AIRE: variants seen among roughly 807,000 people sequenced by gnomAD.
AIRE encodes autoimmune polyendocrinopathy candidiasis ectodermal dystrophy protein.
Under a neutral mutation model 62.1 loss-of-function variants are expected in AIRE, and 52 were observed. The observed-to-expected ratio is 0.84, with a 90% CI of 0.67 to 1.06. The LOEUF is 1.06. Among genes scored for constraint, AIRE ranks in the 50% least tolerant of loss-of-function variants. AIRE has a pLI of 0.00. For missense variants in AIRE, 774 were observed against 755.8 expected, an observed-to-expected ratio of 1.02 and a Z score of -0.28; for synonymous variants, 342 against 321.6, an observed-to-expected ratio of 1.06 and a Z score of -0.68.
chr21:44,289,353 T>C (rs989432324), intron 5 of AIRE: 6 of 435,042 alleles, frequency 1.4e-5, no homozygotes, highest in African/African-American at 9.9e-5. Flanking sequence ...ACACCAGTCA[T>C]TGAACTTATG....
chr21:44,290,954 G>C, intron 7 of AIRE, 141 bp from the exon 8 acceptor site: 1 of 1,612,570 alleles, frequency 6.2e-7, no homozygotes, highest in Non-Finnish European at 8.5e-7. Flanking sequence ...TTCAGGCCCT[G>C]GCAGCATGGG....
In AIRE at chr21:44,286,014, C is replaced by T. The variant is rs1313064637; in HGVS notation, c.8C>T (p.Thr3Met). The T allele has an allele frequency of 2.6e-6, 4 of 1,531,586 alleles. No homozygotes were observed. Among genetic ancestry groups the T allele is most frequent in the Non-Finnish European group, 3.5e-6 (4 of 1,144,132 alleles). The allele number at this position is 1,531,586 out of a possible 1,614,324, so 94.9% of individuals were successfully genotyped here. The part of the protein sequence containing the change: MA[T>M]DAALRRLLRL... Reference sequence around the variant, plus strand: ...GGTCCCCGCGCCCACCCCATGGCGACGGACGCGGCGCTACGCCGGCTTCTG... The same window carrying T: ...GGTCCCCGCGCCCACCCCATGGCGATGGACGCGGCGCTACGCCGGCTTCTG... Residue 3 changes from threonine (T) to methionine (M), a missense_variant, in exon 1 of 14, where the codon ACG (threonine) becomes ATG (methionine). This residue lies in a region of AIRE where 385 missense variants were observed against 396.0 expected (regional missense o/e 0.97). Coordinates refer to ENST00000291582, the MANE Select transcript of AIRE (RefSeq NM_000383.4). The surrounding 1 kb of genome is among the most constrained non-coding windows in gnomAD (Gnocchi z 6.0).
At position 44,286,683 on chromosome 21, in the gene AIRE, CT is replaced by C. The variant is rs1057517428; in HGVS notation, c.260del (p.Leu87ArgfsTer60). Reference sequence around the variant, plus strand: ...GAGGGTGCTGTTCAAGGACTACAACCTGGAGCGCTATGGCCGGCTGCAGCCC... The same window carrying C: ...GAGGGTGCTGTTCAAGGACTACAACCGGAGCGCTATGGCCGGCTGCAGCCC... ...FWRVLFKDYN[L>X]ERYGRLQPIL... On this transcript the variant is annotated frameshift_variant, in exon 2 of 14. Coordinates refer to ENST00000291582, the MANE Select transcript of AIRE (RefSeq NM_000383.4). LOFTEE classifies it high-confidence loss of function. This position sits in a 1 kb window ranked among gnomAD's most constrained non-coding sequence, Gnocchi z 6.0. The C allele has an allele frequency of 6.2e-7, 1 of 1,613,088 alleles. No homozygotes were observed.
In AIRE at chr21:44,297,833, C is replaced by T. The variant is rs537090651; in HGVS notation, c.*106C>T. 1.5e-5 allele frequency: 16 copies of T among 1,055,006 alleles called. No homozygotes were observed. The South Asian group carries it at 2.1e-4, about 14-fold the overall frequency. The allele number at this position is 1,055,006 out of a possible 1,614,324, so 65.4% of individuals were successfully genotyped here. ...GCTGGGATCAAGAAGGGGACAGCGC[C>T]ACCTCTTGTCAGTGCTCGGCTGTAA... is the stretch of plus-strand genomic sequence containing the variant. On this transcript the variant is annotated 3_prime_UTR_variant, in exon 14 of 14. Transcript: ENST00000291582. The surrounding 1 kb of genome is among the most constrained non-coding windows in gnomAD (Gnocchi z 4.8).
At chr21:44,288,797 G>A (rs1182753661) in intron 5 of AIRE, 1 of 280,568 alleles carries the variant, frequency 3.6e-6, no homozygotes, top group African/African-American at 2.1e-5. Context: ...ACCCTCCAGG[G>A]TATCGGCATT....
rs745383661 is a variant in AIRE at position 44,287,964 on chromosome 21, G to A, written c.538+373G>A. Among the ~76,000 whole-genome samples the A allele has an allele frequency of 1.1e-4, 17 of 152,034 alleles. No homozygotes were observed. Among genetic ancestry groups the A allele is most frequent in the Non-Finnish European group, 7.4e-5 (5 of 67,990 alleles). ...CTGTCCCCTTCTCCTTCCTTCCCAG[G>A]GCACTGGACTCCAGAGACCCCCTAT... On this transcript the variant is annotated intron_variant, in intron 4 of 13. Coordinates refer to ENST00000291582, the MANE Select transcript of AIRE (RefSeq NM_000383.4). The surrounding 1 kb of genome is among the most constrained non-coding windows in gnomAD (Gnocchi z 4.3).
chr21:44,286,021 G>T lies in AIRE; in HGVS notation c.15G>T (p.Ala5=). 1.3e-6 allele frequency: 2 copies of T among 1,532,804 alleles called. No individual in the cohort carries two copies. The highest frequency in any genetic ancestry group is 1.7e-6 in the Non-Finnish European group (2 of 1,144,398). 95.0% of individuals were successfully genotyped at this position (1,532,804 alleles called of 1,614,324 possible). Residue 5 remains alanine, a synonymous_variant, in exon 1 of 14, where the codon GCG becomes GCT. Transcript: ENST00000291582. This position sits in a 1 kb window ranked among gnomAD's most constrained non-coding sequence, Gnocchi z 6.0. MATD[A]ALRRLLRLHR... is the part of the protein sequence containing the mutation. ...GCGCCCACCCCATGGCGACGGACGC[G>T]GCGCTACGCCGGCTTCTGAGGCTGC...
chr21:44,289,063 G>A (rs2040509331), intron 5 of AIRE: 2 of 165,180 alleles, frequency 1.2e-5, no homozygotes, highest in Non-Finnish European at 2.7e-5. Flanking sequence ...CCCTGGTCTT[G>A]CACCTCTGGA....
intron 6 of AIRE, 73 bp from the exon 7 acceptor site, chr21:44,289,915 C>A: frequency 1.3e-6 from 2 of 1,598,934 alleles, no homozygotes; most frequent in Non-Finnish European, 1.7e-6. Context: ...TGCCGAGAGA[C>A]GCCTGGTGCC....
In AIRE at chr21:44,287,268, T is replaced by C. The variant is rs1367370407; in HGVS notation, c.463+135T>C. On this transcript the variant is annotated intron_variant, in intron 3 of 13. Coordinates refer to ENST00000291582, the MANE Select transcript of AIRE (RefSeq NM_000383.4). The surrounding 1 kb of genome is among the most constrained non-coding windows in gnomAD (Gnocchi z 4.3). ...CCTGCCTGGGGCTGTGGGGGTCTCC[T>C]CTGGGTACTAGACCCACACACTGGA... 1 of 1,095,810 alleles carries C rather than the reference T, an allele frequency of 9.1e-7. No individual in the cohort carries two copies. The highest frequency in any genetic ancestry group is 2.2e-5 in the Admixed American group (1 of 44,760). 67.9% of individuals were successfully genotyped at this position (1,095,810 alleles called of 1,614,324 possible). A position where few individuals can be genotyped will look rare whatever the true frequency, so the allele number is the denominator to read the frequency against.
rs1167708974 is a variant in AIRE, at chr21:44,286,478, C to T, written c.133-79C>T. The stretch of plus-strand genomic sequence containing the variant: ...CCAGCGCCTCTGCCTGGGAGCTCCA[C>T]CCTCTAGTCATGATGGAGATGGGCA... On this transcript the variant is annotated intron_variant, in intron 1 of 13. Coordinates refer to ENST00000291582, the MANE Select transcript of AIRE (RefSeq NM_000383.4). This position sits in a 1 kb window ranked among gnomAD's most constrained non-coding sequence, Gnocchi z 6.0. The T allele has an allele frequency of 4.1e-6, 6 of 1,469,734 alleles. No individual in the cohort carries two copies. In the Admixed American group the frequency reaches 5.8e-5, roughly 14 times the overall value. 91.0% of individuals were successfully genotyped at this position (1,469,734 alleles called of 1,614,324 possible).
chr21:44,291,273 G>C (rs2040537641), intron 8 of AIRE, 63 bp downstream of exon 8: 1 of 1,578,928 alleles, frequency 6.3e-7, no homozygotes, highest in Non-Finnish European at 8.5e-7. Context: ...TCCACCCACT[G>C]ACCCTGAAGG....
At chr21:44,290,983 G>T in intron 7 of AIRE, 112 bp from the exon 8 acceptor site, 1 of 1,613,334 alleles carries the variant, frequency 6.2e-7, no homozygotes, top group Non-Finnish European at 8.5e-7. Flanking sequence ...AGAGACTGGG[G>T]AGTTCAGGTA....
intron 4 of AIRE, 81 bp from the exon 5 acceptor site, chr21:44,288,262 AGT>A (rs2040502092): frequency 1.8e-5 from 21 of 1,156,640 alleles, no homozygotes; most frequent in Non-Finnish European, 2.5e-5. Context: ...TCTGCAGCCC[AGT>A]GCTGCCTGCT....
intron 9 of AIRE, 111 bp downstream of exon 9, chr21:44,292,512 A>G (rs1468118817): frequency 2.6e-6 from 2 of 755,052 alleles, no homozygotes; most frequent in Non-Finnish European, 4.5e-6. Flanking sequence ...GTCCTGTGGG[A>G]CAGGACTGCC....
At position 44,297,860 on chromosome 21, in the gene AIRE, C is replaced by A. The variant is rs1204480358; in HGVS notation, c.*133C>A. On this transcript the variant is annotated 3_prime_UTR_variant, in exon 14 of 14. Transcript: ENST00000291582. This position sits in a 1 kb window ranked among gnomAD's most constrained non-coding sequence, Gnocchi z 4.8. ...CCTCTTGTCAGTGCTCGGCTGTAAA[C>A]AGCTCTGTGTTTCTGGGGACACCAG... 7.1e-6 allele frequency: 6 copies of A among 839,576 alleles called. No individual in the cohort carries two copies. The highest frequency in any genetic ancestry group is 3.4e-5 in the African/African-American group (2 of 59,538). 52.0% of individuals were successfully genotyped at this position (839,576 alleles called of 1,614,324 possible).
Position 44,287,663 on chromosome 21 carries a change from C to A in AIRE, c.538+72C>A. On this transcript the variant is annotated intron_variant, in intron 4 of 13. Transcript: ENST00000291582. This position sits in a 1 kb window ranked among gnomAD's most constrained non-coding sequence, Gnocchi z 4.3. ...CAAGGGGTCAGGGGTCAGAGCAGGG[C>A]CTGCCCTCTGAGACCCTGTCCTAGG... is the stretch of plus-strand genomic sequence containing the variant. 6.9e-7 allele frequency: 1 copy of A among 1,439,568 alleles called. No homozygotes were observed. Among genetic ancestry groups the A allele is most frequent in the Non-Finnish European group, 9.5e-7 (1 of 1,048,264 alleles). The allele number at this position is 1,439,568 out of a possible 1,614,324, so 89.2% of individuals were successfully genotyped here.
At chr21:44,295,607 C>G (rs1377537849) in intron 12 of AIRE, among the ~76,000 whole-genome samples, 2 of 152,246 alleles carry the variant, frequency 1.3e-5, no homozygotes, top group Non-Finnish European at 2.9e-5. Context: ...CTCTGAACAG[C>G]AGAGACCTCT....
rs760027964 is a variant in AIRE, at chr21:44,288,473, G to A, written c.652+15G>A. 1.1e-4 allele frequency: 172 copies of A among 1,552,800 alleles called. 1 individual carries two copies. In the Admixed American group the frequency reaches 2.7e-3, roughly 24 times the overall value. On this transcript the variant is annotated intron_variant, in intron 5 of 13. Transcript: ENST00000291582. ...GTTTGAGTCAGGTAGACGCTGTGGC[G>A]GGGAGATGGGGCTGATGGGGAGACC...
Sources: gnomAD v4.1 joint callset for allele counts (sites outside exome capture counted in the v4.1 genomes callset) on GRCh38, gnomAD v4.1.1 for gene constraint, gnomAD v4.1.1 regional missense constraint, Gnocchi (gnomAD v3.1) non-coding constraint, MANE v1.5 for transcripts, NCBI Gene and HGNC (gene_info 2026-07-23, HGNC 2026-07-21) for gene names.